MICAL3: variants seen among roughly 807,000 people sequenced by gnomAD.
The protein encoded by MICAL3 is microtubule associated monooxygenase, calponin and LIM domain containing 3.
MICAL3 carries 62 observed loss-of-function variants against 207.4 expected under a neutral mutation model. That is an observed-to-expected ratio of 0.30 (90% CI 0.24 to 0.37). The LOEUF (loss-of-function observed/expected upper bound fraction) is 0.37, where lower values mean the gene tolerates loss of function less well. MICAL3 is among the 10% of genes least tolerant of loss of function. MICAL3 has a pLI of 1.00. For missense variants in MICAL3, 2,368 were observed against 2,635.6 expected, an observed-to-expected ratio of 0.90 and a Z score of 2.22; for synonymous variants, 1,077 against 1,069.3, an observed-to-expected ratio of 1.01 and a Z score of -0.14.
chr22:17,861,773 AT>A, intron 19 of MICAL3: 1 of 985,282 alleles, frequency 1.0e-6, no homozygotes, highest in Non-Finnish European at 1.2e-6. Flanking sequence ...GGATTTCTAT[AT>A]TAAAAGCACA....
intron 1 of MICAL3, among the ~76,000 whole-genome samples, chr22:17,989,895 C>T (rs1367910858): frequency 7.9e-5 from 12 of 152,186 alleles, no homozygotes. Context: ...ATCACACCAT[C>T]TATGCCTATT....
chr22:17,819,201 T>C, intron 25 of MICAL3, 72 bp from the exon 26 acceptor site: 2 of 1,397,312 alleles, frequency 1.4e-6, no homozygotes, highest in African/African-American at 1.4e-5. Context: ...TCGGGGAGCC[T>C]TCTCACTCAA....
intron 25 of MICAL3, 69 bp downstream of exon 25, chr22:17,821,358 G>C (rs1001769694): frequency 8.0e-6 from 11 of 1,378,308 alleles, no homozygotes; most frequent in Non-Finnish European, 1.1e-5. Flanking sequence ...CCCTGAAACA[G>C]AGAAGTTAAT....
chr22:17,790,980 G>A lies in MICAL3; in HGVS notation c.5824+18C>T. On this transcript the variant is annotated intron_variant, in intron 31 of 31. Transcript: ENST00000441493. Reference sequence around the variant, plus strand: ...GTGGCACCCACCCTGGCCTCCATGGGTGCCTTACCCCACTCACCTTCCACT... The same window carrying A: ...GTGGCACCCACCCTGGCCTCCATGGATGCCTTACCCCACTCACCTTCCACT... The A allele has an allele frequency of 1.2e-6, 2 of 1,611,280 alleles. No homozygotes were observed. Among genetic ancestry groups the A allele is most frequent in the Non-Finnish European group, 1.7e-6 (2 of 1,179,418 alleles).
chr22:17,819,418 T>C (rs539753814), intron 25 of MICAL3, among the ~76,000 whole-genome samples: 16 of 152,272 alleles, frequency 1.1e-4, no homozygotes, highest in Middle Eastern at 6.8e-3. Flanking sequence ...ACAGGAACAC[T>C]GGCCAAAAGG....
Position 17,889,116 on chromosome 22 carries a change from G to A in MICAL3, c.1809C>T (p.Ser603=), listed in dbSNP as rs750758046. 37 of 1,613,798 alleles carry A rather than the reference G, an allele frequency of 2.3e-5. No homozygotes were observed. Among genetic ancestry groups the A allele is most frequent in the East Asian group, 1.8e-4 (8 of 44,874 alleles). The part of the protein sequence containing the change: ...SPIMTGKEMA[S]VGEPDKLSMV... ...TGGACAGCTTATCAGGCTCCCCCACGGAGGCCATTTCTTTGCCTGTCATGA... is the reference window on the plus strand; with the variant it reads ...TGGACAGCTTATCAGGCTCCCCCACAGAGGCCATTTCTTTGCCTGTCATGA... Residue 603 remains serine (S), a synonymous_variant, in exon 13 of 32, where the codon TCC becomes TCT. Coordinates refer to ENST00000441493, the MANE Select transcript of MICAL3 (RefSeq NM_015241.3).
Position 18,003,445 on chromosome 22 carries a change from T to C in MICAL3, c.-75+20836A>G, listed in dbSNP as rs114411977. Reference sequence around the variant, plus strand: ...CATTCACCCAATGAGCTGTCCACAATTCCTGCCTTCAGCAACAAACCCCAC... The same window carrying C: ...CATTCACCCAATGAGCTGTCCACAACTCCTGCCTTCAGCAACAAACCCCAC... On this transcript the variant is annotated intron_variant, in intron 1 of 31. Coordinates refer to ENST00000441493, the MANE Select transcript of MICAL3 (RefSeq NM_015241.3). Among the ~76,000 whole-genome samples, 1,203 of 152,244 alleles carry C rather than the reference T, an allele frequency of 7.9e-3. 10 individuals carry two copies. The highest frequency in any genetic ancestry group is 0.027 in the African/African-American group (1,113 of 41,540).
chr22:17,796,040 T>C lies in MICAL3; in HGVS notation c.5651-4739A>G. Among the ~76,000 whole-genome samples, 1 of 152,192 alleles carries C rather than the reference T, an allele frequency of 6.6e-6. No homozygotes were observed. The highest frequency in any genetic ancestry group is 2.1e-4 in the South Asian group (1 of 4,830). On this transcript the variant is annotated intron_variant, in intron 29 of 31. Transcript: ENST00000441493. The surrounding 1 kb of genome is among the most constrained non-coding windows in gnomAD (Gnocchi z 4.4). ...TTTTTGGTTTTTCTCAACATCAGGG[T>C]AACGGGTTTCCATCTGTTGCTAACA...
At chr22:17,794,722 C>T (rs558571126) in intron 29 of MICAL3, among the ~76,000 whole-genome samples, 11 of 152,260 alleles carry the variant, frequency 7.2e-5, no homozygotes, top group African/African-American at 2.4e-4. Context: ...TGACAGGACA[C>T]GCCAAAACTT....
At chr22:17,877,441 G>GGGAGGTTAT (rs1318717132) in intron 16 of MICAL3, among the ~76,000 whole-genome samples, 11 of 102,620 alleles carry the variant, frequency 1.1e-4, no homozygotes, top group Admixed American at 2.7e-4. Context: ...ATGGAGGTGA[G>GGGAGGTTAT]GGAGGTTATG....
intron 20 of MICAL3, among the ~76,000 whole-genome samples, chr22:17,833,996 T>A (rs568485612): frequency 3.3e-5 from 5 of 152,146 alleles, no homozygotes; most frequent in Non-Finnish European, 7.4e-5. Flanking sequence ...ACCATAACCA[T>A]GAGTACAACA....
At chr22:17,842,892 C>A (rs1924192656) in intron 19 of MICAL3, among the ~76,000 whole-genome samples, 1 of 152,124 alleles carries the variant, frequency 6.6e-6, no homozygotes, top group South Asian at 2.1e-4. Flanking sequence ...GAGGCCGATG[C>A]AGGTGGATCA....
Position 17,886,029 on chromosome 22 carries a change from C to A in MICAL3, c.2090G>T (p.Arg697Ile), listed in dbSNP as rs370167393. 1.2e-6 allele frequency: 2 copies of A among 1,613,908 alleles called. No individual in the cohort carries two copies. Among genetic ancestry groups the A allele is most frequent in the Non-Finnish European group, 1.7e-6 (2 of 1,179,908 alleles). The change falls in exon 16 of 32, where the codon AGA becomes ATA. Residue 697 changes from arginine (R) to isoleucine (I), a missense_variant. By Grantham distance (97) the Arg-to-Ile change is moderately conservative. This residue lies in a region of MICAL3 where 1,770 missense variants were observed against 1,863.2 expected (regional missense o/e 0.95). Transcript: ENST00000441493. ...SEEEEAPRGH[R>I]GERPTLVSTL... ...GCTCACCAGGGTCGGTCTTTCTCCT[C>A]TGTGGCCCCGAGGAGCTTCCTCCTG...
In MICAL3 at chr22:17,889,111, C is replaced by G. The variant is rs528377151; in HGVS notation, c.1814G>C (p.Gly605Ala). Residue 605 changes from glycine to alanine, a missense_variant, in exon 13 of 32, where the codon GGG (glycine) becomes GCG (alanine). Physicochemically the swap from Gly to Ala is moderately conservative, Grantham distance 60 (BLOSUM62 0). This residue lies in a region of MICAL3 where 1,770 missense variants were observed against 1,863.2 expected (regional missense o/e 0.95). Transcript: ENST00000441493. ...CACCATGGACAGCTTATCAGGCTCC[C>G]CCACGGAGGCCATTTCTTTGCCTGT... ...IMTGKEMASV[G>A]EPDKLSMVMY... The G allele has an allele frequency of 1.2e-6, 2 of 1,613,840 alleles. No homozygotes were observed. The highest frequency in any genetic ancestry group is 1.1e-5 in the South Asian group (1 of 91,062).
intron 1 of MICAL3, chr22:17,980,765 T>G (rs1935870597): frequency 2.2e-6 from 1 of 461,722 alleles, no homozygotes; most frequent in South Asian, 1.5e-5. Flanking sequence ...TCCGCCCGTC[T>G]TATCATTCCG....
At chr22:17,877,495 G>GGGAAGTTAT (rs1208023193) in intron 16 of MICAL3, among the ~76,000 whole-genome samples, 4 of 116,374 alleles carry the variant, frequency 3.4e-5, no homozygotes, top group African/African-American at 1.4e-4. Context: ...ATGGAGGTTA[G>GGGAAGTTAT]GGAGGTTATG....
At chr22:17,926,972 T>C (rs1034319203) in intron 1 of MICAL3, among the ~76,000 whole-genome samples, 1 of 152,260 alleles carries the variant, frequency 6.6e-6, no homozygotes, top group Admixed American at 6.5e-5. Context: ...TTTTTAATTG[T>C]ACAATTCAGT....
chr22:17,877,540 T>TGGAGGTTAG (rs1416121017), intron 16 of MICAL3, among the ~76,000 whole-genome samples: 2 of 97,986 alleles, frequency 2.0e-5, no homozygotes, highest in Non-Finnish European at 4.4e-5. Context: ...AGGGAGGTTA[T>TGGAGGTTAG]GGAGGTGAGG....
At chr22:17,904,910 T>A in intron 2 of MICAL3, 71 bp from the exon 3 acceptor site, 1 of 1,156,190 alleles carries the variant, frequency 8.6e-7, no homozygotes, top group Non-Finnish European at 1.3e-6. Context: ...CTCATGATTG[T>A]AAGATCATCA....
Sources: gnomAD v4.1 joint callset for allele counts (sites outside exome capture counted in the v4.1 genomes callset) on GRCh38, gnomAD v4.1.1 for gene constraint, gnomAD v4.1.1 regional missense constraint, Gnocchi (gnomAD v3.1) non-coding constraint, MANE v1.5 for transcripts, NCBI Gene and HGNC (gene_info 2026-07-23, HGNC 2026-07-21) for gene names.